Variants in ARAP2 observed in about 807,000 individuals in gnomAD.
ARAP2 encodes the protein arf-GAP with Rho-GAP domain, ANK repeat and PH domain-containing protein 2.
Under a neutral mutation model 194.5 loss-of-function variants are expected in ARAP2, and 148 were observed. The ratio of observed to expected loss-of-function variants is 0.76; its 90% CI spans 0.67 to 0.87. The LOEUF is 0.87. ARAP2 is among the 40% of genes least tolerant of loss of function. The probability of loss-of-function intolerance (pLI) is 0.00; values close to 1 mark genes in which losing one functional copy is unlikely to be tolerated. For synonymous variants in ARAP2, 695 were observed against 683.5 expected (o/e 1.02, Z -0.26); for missense variants, 2,128 against 1,989.7 (o/e 1.07, Z -1.32).
chr4:36,142,647 C>G (rs1365827060), intron 19 of ARAP2, among the ~76,000 whole-genome samples: 2 of 151,506 alleles, frequency 1.3e-5, no homozygotes, highest in Non-Finnish European at 3.0e-5. Context: ...TTGAGACACC[C>G]TCTTCCTGGG....
At chr4:36,071,693 A>ATTTT (rs55918222) in intron 32 of ARAP2, among the ~76,000 whole-genome samples, 3 of 147,192 alleles carry the variant, frequency 2.0e-5, no homozygotes, top group Admixed American at 6.7e-5. Context: ...TTTTTTTTTA[A>ATTTT]TTTTTTTTCT....
chr4:36,134,184 A>G (rs1726097698), intron 19 of ARAP2, among the ~76,000 whole-genome samples: 1 of 151,792 alleles, frequency 6.6e-6, no homozygotes, highest in Non-Finnish European at 1.5e-5. Flanking sequence ...CACTCAATAG[A>G]CGTAACATTA....
chr4:36,084,503 G>T (rs551289336), intron 28 of ARAP2, among the ~76,000 whole-genome samples: 3 of 151,924 alleles, frequency 2.0e-5, no homozygotes, highest in African/African-American at 7.3e-5. Flanking sequence ...AAACAGACTC[G>T]TGAATATATA....
Position 36,212,439 on chromosome 4 carries a change from CT to C in ARAP2, c.1089del (p.Glu365LysfsTer23). 1 of 1,612,390 alleles carries C rather than the reference CT, an allele frequency of 6.2e-7. No homozygotes were observed. The highest frequency in any genetic ancestry group is 8.5e-7 in the Non-Finnish European group (1 of 1,178,838). ...GAGTTTGTTGCAGTAGCTGCTTCCC[CT>C]TTGAGTGCTTCTCCCTGGGTCAAAA... ...NEFLTQGEAL[K>X]GEAATATNSF... On this transcript the variant is annotated frameshift_variant, in exon 5 of 33. Transcript: ENST00000303965. LOFTEE classifies it high-confidence loss of function.
chr4:36,119,625 T>C, intron 24 of ARAP2, 25 bp downstream of exon 24: 1 of 1,507,854 alleles, frequency 6.6e-7, no homozygotes. Flanking sequence ...TTTAATTATT[T>C]AGAGATCTAA....
chr4:36,160,028 G>A (rs376992281), intron 13 of ARAP2: 184 of 927,396 alleles, frequency 2.0e-4, no homozygotes, highest in Non-Finnish European at 2.2e-4. Context: ...GTGAGAAGGC[G>A]GCAATAAAAA....
chr4:36,014,940 T>C (rs1315501145), intron 8 of ARAP2, among the ~76,000 whole-genome samples: 4 of 152,190 alleles, frequency 2.6e-5, no homozygotes, highest in Non-Finnish European at 5.9e-5. Flanking sequence ...CTAGGAAAAT[T>C]GCTCTGTTTC....
intron 24 of ARAP2, among the ~76,000 whole-genome samples, chr4:36,118,725 T>C (rs1049957381): frequency 6.6e-6 from 1 of 151,440 alleles, no homozygotes; most frequent in Non-Finnish European, 1.5e-5. Flanking sequence ...TTTAAGATAA[T>C]TGATAATGAC....
chr4:36,166,928 T>C lies in ARAP2; in HGVS notation c.1973+4A>G. ...CGAACACAAAATGTTTAAAAATAGCTTACCTGAAACTCCTGTAGGGAGTGA... is the reference window on the plus strand; with the variant it reads ...CGAACACAAAATGTTTAAAAATAGCCTACCTGAAACTCCTGTAGGGAGTGA... On this transcript the variant is annotated splice_donor_region_variant and intron_variant, in intron 10 of 32. Transcript: ENST00000303965. The C allele has an allele frequency of 4.5e-6, 7 of 1,557,064 alleles. No homozygotes were observed. Among genetic ancestry groups the C allele is most frequent in the Non-Finnish European group, 6.1e-6 (7 of 1,149,550 alleles).
downstream of ARAP2, among the ~76,000 whole-genome samples, chr4:36,064,883 T>A (rs1019269084): frequency 4.0e-5 from 6 of 151,756 alleles, no homozygotes; most frequent in African/African-American, 1.5e-4. Context: ...GATAAGAGAA[T>A]AGAAAGGGTG....
chr4:36,009,506 G>T (rs932185553), intron 9 of ARAP2, among the ~76,000 whole-genome samples: 6 of 152,000 alleles, frequency 3.9e-5, no homozygotes, highest in Non-Finnish European at 7.4e-5. Flanking sequence ...CAGACACTGG[G>T]CAATACAAGA....
At chr4:36,098,503 G>C (rs893716324) in intron 27 of ARAP2, among the ~76,000 whole-genome samples, 4 of 151,926 alleles carry the variant, frequency 2.6e-5, no homozygotes, top group African/African-American at 9.7e-5. Flanking sequence ...AATGATTAAA[G>C]CCTTACCTTC....
intron 1 of ARAP2, among the ~76,000 whole-genome samples, chr4:36,240,953 G>A (rs972576092): frequency 7.2e-5 from 11 of 152,174 alleles, no homozygotes; most frequent in South Asian, 2.1e-4. Flanking sequence ...GGATAATATC[G>A]CAATAGTTAA....
intron 10 of ARAP2, chr4:36,006,361 T>A (rs1049686944): frequency 1.3e-5 from 2 of 152,214 alleles, no homozygotes; most frequent in African/African-American, 4.8e-5. Context: ...ACATTATCGC[T>A]GTCATAAACA....
chr4:36,131,450 G>T (rs1340817738), intron 20 of ARAP2, among the ~76,000 whole-genome samples: 1 of 151,022 alleles, frequency 6.6e-6, no homozygotes, highest in Non-Finnish European at 1.5e-5. Context: ...GTACACATAT[G>T]TGTGTACATA....
intron 32 of ARAP2, among the ~76,000 whole-genome samples, chr4:36,071,769 A>G (rs1727007972): frequency 6.7e-6 from 1 of 149,026 alleles, no homozygotes; most frequent in Non-Finnish European, 1.5e-5. Context: ...TTACATATGT[A>G]TACATGTGCC....
chr4:36,035,610 C>A (rs193264654), intron 5 of ARAP2, among the ~76,000 whole-genome samples: 2 of 151,996 alleles, frequency 1.3e-5, no homozygotes, highest in Non-Finnish European at 2.9e-5. Flanking sequence ...TCTTGTTGCT[C>A]CAAATCCTTA....
At chr4:36,219,601 G>C (rs1408907136) in intron 2 of ARAP2, among the ~76,000 whole-genome samples, 2 of 152,064 alleles carry the variant, frequency 1.3e-5, no homozygotes, top group Non-Finnish European at 2.9e-5. Context: ...GGTCACATAA[G>C]CATGTATATA....
chr4:36,014,224 C>CGAAA (rs1187551419), intron 8 of ARAP2, among the ~76,000 whole-genome samples: 1,913 of 61,526 alleles, frequency 0.031, 72 homozygotes, highest in East Asian at 0.046. Flanking sequence ...GAGACCCTAT[C>CGAAA]GAAAGAAAGA....
Sources: gnomAD v4.1 joint callset for allele counts (sites outside exome capture counted in the v4.1 genomes callset) on GRCh38, gnomAD v4.1.1 for gene constraint, MANE v1.5 for transcripts, NCBI Gene and HGNC (gene_info 2026-07-23, HGNC 2026-07-21) for gene names.